Variants in ST3GAL3 observed in about 807,000 individuals in gnomAD.
The protein encoded by ST3GAL3 is ST3 beta-galactoside alpha-2,3-sialyltransferase 3.
Under a neutral mutation model 50.1 loss-of-function variants are expected in ST3GAL3, and 21 were observed. That is an observed-to-expected ratio of 0.42 (90% confidence interval 0.30 to 0.60). ST3GAL3 has a LOEUF of 0.60. Among genes scored for constraint, ST3GAL3 ranks in the 20% least tolerant of loss-of-function variants. The pLI is 0.19. For synonymous variants in ST3GAL3, 183 were observed against 190.0 expected, an observed-to-expected ratio of 0.96 and a Z score of 0.30; for missense variants, 353 against 489.4, an observed-to-expected ratio of 0.72 and a Z score of 2.63.
intron 2 of ST3GAL3, among the ~76,000 whole-genome samples, chr1:43,784,854 G>T (rs555210996): frequency 6.6e-5 from 10 of 152,284 alleles, no homozygotes; most frequent in African/African-American, 1.9e-4. Flanking sequence ...TATCTTTTCA[G>T]CCATCAGCTT....
intron 5 of ST3GAL3, among the ~76,000 whole-genome samples, chr1:43,888,134 C>A (rs993901428): frequency 6.6e-6 from 1 of 152,056 alleles, no homozygotes; most frequent in African/African-American, 2.4e-5. Context: ...TAAAGAGAGG[C>A]CTTTGTTAGT....
At chr1:43,894,141 C>G in intron 5 of ST3GAL3, 1 of 536,300 alleles carries the variant, frequency 1.9e-6, no homozygotes, top group South Asian at 2.0e-5. Flanking sequence ...TCTTGTCTCT[C>G]CACTCCTACA....
At chr1:43,911,726 C>T (rs1406600896) in intron 9 of ST3GAL3, 4 of 148,112 alleles carry the variant, frequency 2.7e-5, no homozygotes, top group Admixed American at 1.4e-4. Context: ...CTGGCTATGT[C>T]ACCCAGGCTG....
intron 3 of ST3GAL3, among the ~76,000 whole-genome samples, chr1:43,795,934 A>G (rs1331041737): frequency 2.6e-5 from 4 of 152,132 alleles, no homozygotes; most frequent in Non-Finnish European, 5.9e-5. Context: ...AACCCCAGCA[A>G]TGGACACCAA....
intron 5 of ST3GAL3, among the ~76,000 whole-genome samples, chr1:43,866,888 TTGGGAGGCCGTGG>T (rs1389207432): frequency 6.6e-6 from 1 of 152,102 alleles, no homozygotes; most frequent in Non-Finnish European, 1.5e-5. Context: ...TCCCAGCACT[TTGGGAGGCCGTGG>T]TGGGTGGATC....
chr1:43,717,130 C>G (rs1233037119), intron 1 of ST3GAL3, among the ~76,000 whole-genome samples: 4 of 152,208 alleles, frequency 2.6e-5, no homozygotes, highest in African/African-American at 9.6e-5. Context: ...GAAGCTTTTC[C>G]TGAGCCTCCC....
At chr1:43,857,294 A>T (rs940604072) in intron 5 of ST3GAL3, among the ~76,000 whole-genome samples, 8 of 152,212 alleles carry the variant, frequency 5.3e-5, no homozygotes, top group Non-Finnish European at 1.5e-5. Context: ...ACTGGAAATA[A>T]GGTTTTTGAA....
chr1:43,806,443 G>A (rs1448163679), intron 3 of ST3GAL3, among the ~76,000 whole-genome samples: 4 of 152,046 alleles, frequency 2.6e-5, no homozygotes, highest in Non-Finnish European at 4.4e-5. Flanking sequence ...AAGCAATGAC[G>A]GGATAGGGAG....
intron 1 of ST3GAL3, among the ~76,000 whole-genome samples, chr1:43,730,662 AT>A (rs1338542347): frequency 7.1e-6 from 1 of 141,732 alleles, no homozygotes; most frequent in Non-Finnish European, 1.5e-5. Flanking sequence ...CCTCAAACTT[AT>A]GGGCTCAAGC....
chr1:43,743,604 C>A, intron 2 of ST3GAL3: 1 of 328,844 alleles, frequency 3.0e-6, no homozygotes, highest in Non-Finnish European at 6.1e-6. Context: ...TGAGGCAGAT[C>A]AGATTCCCAT....
chr1:43,765,497 C>T (rs1692217843), intron 2 of ST3GAL3, among the ~76,000 whole-genome samples: 1 of 152,124 alleles, frequency 6.6e-6, no homozygotes. Flanking sequence ...TCCATTTCAT[C>T]ACTATTGGTG....
At chr1:43,765,769 G>C (rs916387646) in intron 2 of ST3GAL3, among the ~76,000 whole-genome samples, 3 of 143,292 alleles carry the variant, frequency 2.1e-5, no homozygotes, top group Non-Finnish European at 4.5e-5. Context: ...GTGTGTGTGT[G>C]TGTGTGTGTG....
At chr1:43,769,544 A>G (rs1694296791) in intron 2 of ST3GAL3, among the ~76,000 whole-genome samples, 1 of 152,130 alleles carries the variant, frequency 6.6e-6, no homozygotes, top group East Asian at 1.9e-4. Context: ...TTTTTTCAAC[A>G]CATATTGACT....
At chr1:43,882,943 A>T (rs901445247) in intron 5 of ST3GAL3, among the ~76,000 whole-genome samples, 2 of 38,284 alleles carry the variant, frequency 5.2e-5, no homozygotes, top group African/African-American at 5.4e-5. Context: ...CCATTCTTTT[A>T]TTTATTTATT....
At chr1:43,897,890 C>T (rs1053579726) in intron 6 of ST3GAL3, among the ~76,000 whole-genome samples, 12 of 152,166 alleles carry the variant, frequency 7.9e-5, no homozygotes, top group Non-Finnish European at 5.9e-5. Flanking sequence ...AGACTGCGTG[C>T]GCCAGCTTCC....
chr1:43,744,379 A>T (rs1227569297), intron 2 of ST3GAL3, among the ~76,000 whole-genome samples: 1 of 151,772 alleles, frequency 6.6e-6, no homozygotes, highest in Admixed American at 6.6e-5. Flanking sequence ...CCTCCCGAGT[A>T]GCTGGGATTA....
intron 5 of ST3GAL3, among the ~76,000 whole-genome samples, chr1:43,875,384 A>T (rs1322115172): frequency 6.6e-6 from 1 of 152,018 alleles, no homozygotes; most frequent in African/African-American, 2.4e-5. Context: ...TAGGAAAGAG[A>T]TTAAGATCAC....
intron 5 of ST3GAL3, among the ~76,000 whole-genome samples, chr1:43,875,878 G>T (rs2073955874): frequency 6.6e-6 from 1 of 151,498 alleles, no homozygotes; most frequent in Non-Finnish European, 1.5e-5. Context: ...TGCACCTGAT[G>T]ATAATTGCTT....
rs80337565 is a variant in ST3GAL3 at position 43,734,931 on chromosome 1, C to T, written c.-30-1302C>T. On this transcript the variant is annotated intron_variant, in intron 1 of 11. Transcript: ENST00000347631. ...GTTACATTTTACATTTAAGGTGTAC[C>T]TGCTATGCATCCTTTTACATCAAAG... Among the ~76,000 whole-genome samples the T allele has an allele frequency of 9.5e-3, 1,446 of 152,058 alleles. 26 individuals carry two copies. The highest frequency in any genetic ancestry group is 0.034 in the African/African-American group (1,408 of 41,486).
Sources: allele counts gnomAD v4.1 joint callset (sites outside exome capture counted in the v4.1 genomes callset), GRCh38; gene constraint gnomAD v4.1.1; transcripts MANE v1.5; gene names NCBI Gene and HGNC (gene_info 2026-07-23, HGNC 2026-07-21).